Variants in KIRREL3 observed in about 807,000 individuals in gnomAD.
The protein encoded by KIRREL3 is kirre like nephrin family adhesion molecule 3.
Under a neutral mutation model 89.7 loss-of-function variants are expected in KIRREL3, and 36 were observed. The ratio of observed to expected loss-of-function variants is 0.40; its 90% CI spans 0.31 to 0.53. KIRREL3 has a LOEUF of 0.53. Among genes scored for constraint, KIRREL3 ranks in the 20% least tolerant of loss-of-function variants. The pLI, the probability that KIRREL3 is intolerant of heterozygous loss-of-function variation, is 0.49. For missense variants in KIRREL3, 864 were observed against 1,056.6 expected (o/e 0.82, Z 2.53); for synonymous variants, 445 against 441.4 (o/e 1.01, Z -0.10).
At position 126,645,834 on chromosome 11, in the gene KIRREL3, C is replaced by T. The variant is rs569848267; in HGVS notation, c.56-82922G>A. Among the ~76,000 whole-genome samples, 1 of 152,250 alleles carries T rather than the reference C, an allele frequency of 6.6e-6. No homozygotes were observed. Among genetic ancestry groups the T allele is most frequent in the East Asian group, 1.9e-4 (1 of 5,180 alleles). On this transcript the variant is annotated intron_variant, in intron 1 of 16. Transcript: ENST00000525144. The surrounding 1 kb of genome is among the most constrained non-coding windows in gnomAD (Gnocchi z 4.9). Reference sequence around the variant, plus strand: ...CACACACCTTATTTTATTTCCTTTCCTTCCTTCCATGCTAAAGAGGGCCAG... The same window carrying T: ...CACACACCTTATTTTATTTCCTTTCTTTCCTTCCATGCTAAAGAGGGCCAG...
rs1945139967 is a variant in KIRREL3, at chr11:126,872,497, C to A, written c.55+127958G>T. Among the ~76,000 whole-genome samples the A allele has an allele frequency of 6.6e-6, 1 of 152,204 alleles. No homozygotes were observed. The highest frequency in any genetic ancestry group is 1.5e-5 in the Non-Finnish European group (1 of 68,036). On this transcript the variant is annotated intron_variant, in intron 1 of 16. Coordinates refer to ENST00000525144, the MANE Select transcript of KIRREL3 (RefSeq NM_032531.4). This position sits in a 1 kb window ranked among gnomAD's most constrained non-coding sequence, Gnocchi z 4.2. ...AAACTGATTTCTTTCACCATCATCTCCCCATTGGATTATTTCCTGGGTGAA... is the reference window on the plus strand; with the variant it reads ...AAACTGATTTCTTTCACCATCATCTACCCATTGGATTATTTCCTGGGTGAA...
intron 1 of KIRREL3, among the ~76,000 whole-genome samples, chr11:126,586,021 G>A (rs1179033734): frequency 1.3e-5 from 2 of 152,178 alleles, no homozygotes; most frequent in Non-Finnish European, 2.9e-5. Flanking sequence ...CAGCAGCTTG[G>A]AACAGGAACA....
rs1314980206 is a variant in KIRREL3 at position 126,535,902 on chromosome 11, T to C, written c.134-9215A>G. The stretch of plus-strand genomic sequence containing the variant: ...CAGGAGGCTGAGCCAGGAGAATCCA[T>C]AGAACCTGGGAGGCGGAGGTTGCAG... On this transcript the variant is annotated intron_variant, in intron 2 of 16. Transcript: ENST00000525144. This position sits in a 1 kb window ranked among gnomAD's most constrained non-coding sequence, Gnocchi z 4.5. 6.6e-6 allele frequency among the ~76,000 whole-genome samples: 1 copy of C among 152,146 alleles called. No individual in the cohort carries two copies. The highest frequency in any genetic ancestry group is 2.1e-4 in the South Asian group (1 of 4,824).
rs1944672316 is a variant in KIRREL3 at position 126,860,619 on chromosome 11, C to T, written c.55+139836G>A. 6.6e-6 allele frequency among the ~76,000 whole-genome samples: 1 copy of T among 152,184 alleles called. No homozygotes were observed. The highest frequency in any genetic ancestry group is 1.5e-5 in the Non-Finnish European group (1 of 68,048). The stretch of plus-strand genomic sequence containing the variant: ...TGGATTAGGGCTGAAGAGTTGGGAC[C>T]TACCCTATAAACAACGTATAGTTGT... On this transcript the variant is annotated intron_variant, in intron 1 of 16. Coordinates refer to ENST00000525144, the MANE Select transcript of KIRREL3 (RefSeq NM_032531.4). This position sits in a 1 kb window ranked among gnomAD's most constrained non-coding sequence, Gnocchi z 4.6.
chr11:126,487,952 G>A (rs1174086981), intron 4 of KIRREL3, among the ~76,000 whole-genome samples: 1 of 152,256 alleles, frequency 6.6e-6, no homozygotes, highest in Non-Finnish European at 1.5e-5. Context: ...ACGGGGTGCC[G>A]CTCACAGAAG....
intron 1 of KIRREL3, among the ~76,000 whole-genome samples, chr11:126,717,714 C>T (rs1177689630): frequency 6.6e-6 from 1 of 152,164 alleles, no homozygotes; most frequent in Non-Finnish European, 1.5e-5. Flanking sequence ...TGTTGAGCCA[C>T]AACATAAAAC....
intron 1 of KIRREL3, among the ~76,000 whole-genome samples, chr11:126,933,952 C>T (rs1046551456): frequency 2.0e-5 from 3 of 148,958 alleles, no homozygotes; most frequent in African/African-American, 5.0e-5. Context: ...CTAAAATTGA[C>T]AATCAAGTTC....
In KIRREL3 at chr11:126,463,381, A is replaced by C; in HGVS notation, c.592-74T>G. On this transcript the variant is annotated intron_variant, in intron 5 of 16. Transcript: ENST00000525144. The surrounding 1 kb of genome is among the most constrained non-coding windows in gnomAD (Gnocchi z 5.9). ...GGTGGCCAGCCTGGGTTGGGGGTAA[A>C]CGAGCACCAGCTTAGACAGAAGGGG... 6.9e-7 allele frequency: 1 copy of C among 1,459,662 alleles called. No individual in the cohort carries two copies. Among genetic ancestry groups the C allele is most frequent in the Non-Finnish European group, 9.4e-7 (1 of 1,065,622 alleles). The allele number at this position is 1,459,662 out of a possible 1,614,324, so 90.4% of individuals were successfully genotyped here. A position where few individuals can be genotyped will look rare whatever the true frequency, so the allele number is the denominator to read the frequency against.
In KIRREL3 at chr11:126,783,400, C is replaced by T. The variant is rs1007920375; in HGVS notation, c.55+217055G>A. Among the ~76,000 whole-genome samples, 11 of 152,134 alleles carry T rather than the reference C, an allele frequency of 7.2e-5. No homozygotes were observed. Among genetic ancestry groups the T allele is most frequent in the Admixed American group, 7.2e-4 (11 of 15,278 alleles). On this transcript the variant is annotated intron_variant, in intron 1 of 16. Transcript: ENST00000525144. This position sits in a 1 kb window ranked among gnomAD's most constrained non-coding sequence, Gnocchi z 4.3. ...CCTAACTAGTGACACCTGCAATATC[C>T]CTGCTTCAAAATAAGGTCATATTCT... is the stretch of plus-strand genomic sequence containing the variant.
Position 126,997,884 on chromosome 11 carries a change from C to A in KIRREL3, c.55+2571G>T, listed in dbSNP as rs1422517403. ...ATAAGGCACTAAAAACAACCCTGGACATTTGTTGTCTCTGAGGGAAAGGCC... is the reference window on the plus strand; with the variant it reads ...ATAAGGCACTAAAAACAACCCTGGAAATTTGTTGTCTCTGAGGGAAAGGCC... On this transcript the variant is annotated intron_variant, in intron 1 of 16. Coordinates refer to ENST00000525144, the MANE Select transcript of KIRREL3 (RefSeq NM_032531.4). This position sits in a 1 kb window ranked among gnomAD's most constrained non-coding sequence, Gnocchi z 4.3. 6.6e-6 allele frequency among the ~76,000 whole-genome samples: 1 copy of A among 152,148 alleles called. No homozygotes were observed. Among genetic ancestry groups the A allele is most frequent in the African/African-American group, 2.4e-5 (1 of 41,422 alleles).
At chr11:126,840,198 A>G (rs1238563538) in intron 1 of KIRREL3, among the ~76,000 whole-genome samples, 1 of 152,208 alleles carries the variant, frequency 6.6e-6, no homozygotes, top group Non-Finnish European at 1.5e-5. Flanking sequence ...TAGTGGAAAG[A>G]GGCATCTCAT....
intron 4 of KIRREL3, among the ~76,000 whole-genome samples, chr11:126,510,416 C>T (rs532618041): frequency 3.4e-5 from 5 of 148,366 alleles, no homozygotes; most frequent in South Asian, 2.2e-4. Flanking sequence ...TCCTCCCTGA[C>T]GTTGTTTCCT....
chr11:126,739,258 G>C lies in KIRREL3; in HGVS notation c.56-176346C>G, dbSNP rs1055668566. Reference sequence around the variant, plus strand: ...ATATGACTTGCCCACAGAGCATTAGGTGATACTTATAGTATTAATTCGACT... The same window carrying C: ...ATATGACTTGCCCACAGAGCATTAGCTGATACTTATAGTATTAATTCGACT... On this transcript the variant is annotated intron_variant, in intron 1 of 16. Coordinates refer to ENST00000525144, the MANE Select transcript of KIRREL3 (RefSeq NM_032531.4). This position sits in a 1 kb window ranked among gnomAD's most constrained non-coding sequence, Gnocchi z 5.5. 6.6e-6 allele frequency among the ~76,000 whole-genome samples: 1 copy of C among 152,238 alleles called. No homozygotes were observed. Among genetic ancestry groups the C allele is most frequent in the Non-Finnish European group, 1.5e-5 (1 of 68,050 alleles).
At chr11:126,836,196 G>C (rs4937195) in intron 1 of KIRREL3, among the ~76,000 whole-genome samples, 131,489 of 152,278 alleles carry the variant, frequency 0.86, 57,119 homozygotes, top group East Asian at 1. Flanking sequence ...CAAAAATTAT[G>C]AAACCTGACA....
intron 1 of KIRREL3, among the ~76,000 whole-genome samples, chr11:126,657,120 T>C (rs1057273636): frequency 6.6e-6 from 1 of 151,992 alleles, no homozygotes; most frequent in Non-Finnish European, 1.5e-5. Flanking sequence ...TCACACTGTA[T>C]TGTGTTTAAT....
At chr11:126,545,610 A>AAAAATAAAATAAAAC (rs1938751292) in intron 2 of KIRREL3, among the ~76,000 whole-genome samples, 1 of 148,246 alleles carries the variant, frequency 6.7e-6, no homozygotes, top group African/African-American at 2.5e-5. Context: ...CTCAATTTTT[A>AAAAATAAAATAAAAC]AAAATAAAAT....
chr11:126,896,619 G>C lies in KIRREL3; in HGVS notation c.55+103836C>G, dbSNP rs1392541425. 1.3e-5 allele frequency among the ~76,000 whole-genome samples: 2 copies of C among 148,602 alleles called. No individual in the cohort carries two copies. Among genetic ancestry groups the C allele is most frequent in the Middle Eastern group, 3.2e-3 (1 of 308 alleles). Reference sequence around the variant, plus strand: ...ACGTGGGGCCTGTCCATGGGCTTCAGTGCCCACCATGCAGTGCATGGGAGA... The same window carrying C: ...ACGTGGGGCCTGTCCATGGGCTTCACTGCCCACCATGCAGTGCATGGGAGA... On this transcript the variant is annotated intron_variant, in intron 1 of 16. Transcript: ENST00000525144. The surrounding 1 kb of genome is among the most constrained non-coding windows in gnomAD (Gnocchi z 4.1).
At chr11:126,767,583 T>C (rs1172540853) in intron 1 of KIRREL3, among the ~76,000 whole-genome samples, 3 of 152,196 alleles carry the variant, frequency 2.0e-5, no homozygotes, top group Non-Finnish European at 4.4e-5. Flanking sequence ...TAGACCACTG[T>C]AGGGACCAAA....
At chr11:126,549,480 C>T (rs184479318) in intron 2 of KIRREL3, 4 of 152,210 alleles carry the variant, frequency 2.6e-5, no homozygotes, top group Non-Finnish European at 5.9e-5. Flanking sequence ...GATAATTCAT[C>T]TCAGCCTGAA....
Sources: gnomAD v4.1 joint callset for allele counts (sites outside exome capture counted in the v4.1 genomes callset) on GRCh38, gnomAD v4.1.1 for gene constraint, Gnocchi (gnomAD v3.1) non-coding constraint, MANE v1.5 for transcripts, NCBI Gene and HGNC (gene_info 2026-07-23, HGNC 2026-07-21) for gene names.